MIPEP: variants seen among roughly 807,000 people sequenced by gnomAD.
MIPEP encodes the protein mitochondrial intermediate peptidase.
In MIPEP, 79 loss-of-function variants were observed where a neutral mutation model predicts 90.3. The ratio of observed to expected loss-of-function variants is 0.87; its 90% confidence interval spans 0.73 to 1.05. The LOEUF is 1.05. Ranked by LOEUF, MIPEP falls within the 50% of genes least tolerant of loss-of-function variation. The pLI, the probability that MIPEP is intolerant of heterozygous loss-of-function variation, is 0.00. For synonymous variants in MIPEP, 334 were observed against 315.8 expected (o/e 1.06, Z -0.61); for missense variants, 940 against 905.6 (o/e 1.04, Z -0.49).
chr13:23,819,854 C>T (rs1953283730), intron 14 of MIPEP, among the ~76,000 whole-genome samples: 1 of 151,944 alleles, frequency 6.6e-6, no homozygotes, highest in Non-Finnish European at 1.5e-5. Context: ...ACTAGAAATA[C>T]AAAAATTAGC....
At chr13:23,870,293 T>C (rs1428226581) in intron 5 of MIPEP, 98 bp from the exon 6 acceptor site, 6 of 657,102 alleles carry the variant, frequency 9.1e-6, no homozygotes, top group Non-Finnish European at 1.4e-5. Context: ...AACATATATA[T>C]TGTTGAATTA....
intron 14 of MIPEP, among the ~76,000 whole-genome samples, chr13:23,816,025 TA>T (rs1953231991): frequency 6.6e-6 from 1 of 152,186 alleles, no homozygotes; most frequent in Admixed American, 6.5e-5. Flanking sequence ...AAGTCTACTG[TA>T]ATTATTACTT....
intron 18 of MIPEP, among the ~76,000 whole-genome samples, chr13:23,745,756 C>T (rs1416957037): frequency 4.0e-5 from 6 of 151,882 alleles, no homozygotes; most frequent in African/African-American, 1.2e-4. Context: ...GGTGAAAGCC[C>T]ATCTCTGCGA....
At chr13:23,885,532 C>T (rs906373714) in intron 2 of MIPEP, among the ~76,000 whole-genome samples, 1 of 151,814 alleles carries the variant, frequency 6.6e-6, no homozygotes, top group African/African-American at 2.4e-5. Context: ...GCATTGCATG[C>T]CTCTATCAAA....
At chr13:23,770,703 C>T (rs1952640202) in intron 16 of MIPEP, among the ~76,000 whole-genome samples, 1 of 152,166 alleles carries the variant, frequency 6.6e-6, no homozygotes, top group South Asian at 2.1e-4. Context: ...CCGCCACTGC[C>T]CCCTCCCCAT....
At chr13:23,732,269 G>A (rs1310551932) in intron 18 of MIPEP, among the ~76,000 whole-genome samples, 1 of 152,084 alleles carries the variant, frequency 6.6e-6, no homozygotes, top group Non-Finnish European at 1.5e-5. Context: ...GATTACAGGC[G>A]TGAGCCACTG....
chr13:23,815,065 T>C (rs1382966939), intron 14 of MIPEP, among the ~76,000 whole-genome samples: 1 of 152,220 alleles, frequency 6.6e-6, no homozygotes, highest in Non-Finnish European at 1.5e-5. Flanking sequence ...TGTTAATACA[T>C]CAGGTTTAAC....
chr13:23,783,631 T>C (rs1043932251), intron 16 of MIPEP, among the ~76,000 whole-genome samples: 1 of 152,088 alleles, frequency 6.6e-6, no homozygotes, highest in Non-Finnish European at 1.5e-5. Context: ...AAATAAAGGG[T>C]ATACAATTAG....
intron 10 of MIPEP, chr13:23,842,620 G>C (rs1308312047): frequency 6.6e-6 from 1 of 152,306 alleles, no homozygotes; most frequent in East Asian, 1.9e-4. Context: ...GGCACTGAAA[G>C]AGGCAGAGAA....
intron 18 of MIPEP, among the ~76,000 whole-genome samples, chr13:23,752,299 G>T (rs570100898): frequency 1.3e-5 from 2 of 152,304 alleles, no homozygotes; most frequent in East Asian, 3.9e-4. Flanking sequence ...ACAAACTGCT[G>T]AAGTAATATA....
At chr13:23,816,873 C>T (rs1487993948) in intron 14 of MIPEP, among the ~76,000 whole-genome samples, 2 of 152,152 alleles carry the variant, frequency 1.3e-5, no homozygotes, top group African/African-American at 2.4e-5. Flanking sequence ...CTCAGATATT[C>T]CAGATTGATA....
intron 16 of MIPEP, among the ~76,000 whole-genome samples, chr13:23,779,813 C>T (rs1952760102): frequency 1.3e-5 from 2 of 152,240 alleles, no homozygotes; most frequent in East Asian, 1.9e-4. Flanking sequence ...AGATTATATC[C>T]CGCGCCTGGC....
intron 16 of MIPEP, among the ~76,000 whole-genome samples, chr13:23,779,530 G>A (rs1394429631): frequency 2.6e-5 from 4 of 152,176 alleles, no homozygotes; most frequent in Admixed American, 2.6e-4. Context: ...CCCAGCGTGA[G>A]TGACGCAGAA....
rs1952305110 is a variant in MIPEP, at chr13:23,739,710, C to T, written c.2045-9265G>A. On this transcript the variant is annotated intron_variant, in intron 18 of 18. Coordinates refer to ENST00000382172, the MANE Select transcript of MIPEP (RefSeq NM_005932.4). ...TAGTGTTCTGAGATAAATGCCTCTG[C>T]CTGCAGGCCAAGCTCCCTGTGCACG... Among the ~76,000 whole-genome samples, 3 of 152,328 alleles carry T rather than the reference C, an allele frequency of 2.0e-5. No homozygotes were observed. The South Asian group carries it at 6.2e-4, about 32-fold the overall frequency.
chr13:23,788,565 T>G (rs1304084386), intron 16 of MIPEP, among the ~76,000 whole-genome samples: 2 of 152,186 alleles, frequency 1.3e-5, no homozygotes. Flanking sequence ...TTGGTCATAT[T>G]AAGTCACAAG....
At chr13:23,808,627 A>G (rs1953138855) in intron 15 of MIPEP, among the ~76,000 whole-genome samples, 1 of 152,180 alleles carries the variant, frequency 6.6e-6, no homozygotes, top group Non-Finnish European at 1.5e-5. Context: ...TTCAAGAAGA[A>G]AGCCACAAAA....
chr13:23,745,771 T>TA (rs1565979565), intron 18 of MIPEP, among the ~76,000 whole-genome samples: 1 of 151,178 alleles, frequency 6.6e-6, no homozygotes, highest in Admixed American at 6.6e-5. Context: ...CTGCGAAAAA[T>TA]AAAAAAATTA....
intron 18 of MIPEP, among the ~76,000 whole-genome samples, chr13:23,746,157 C>T (rs1294552473): frequency 2.0e-5 from 3 of 150,450 alleles, no homozygotes; most frequent in Non-Finnish European, 4.4e-5. Context: ...TGGGGCTATA[C>T]GTACATGGAC....
At chr13:23,871,018 G>A (rs1164578802) in intron 5 of MIPEP, among the ~76,000 whole-genome samples, 6 of 152,096 alleles carry the variant, frequency 3.9e-5, no homozygotes, top group Admixed American at 6.5e-5. Context: ...GCAACAAAGC[G>A]AGACCCTGTC....
Sources: allele counts gnomAD v4.1 joint callset (sites outside exome capture counted in the v4.1 genomes callset), GRCh38; gene constraint gnomAD v4.1.1; transcripts MANE v1.5; gene names NCBI Gene and HGNC (gene_info 2026-07-23, HGNC 2026-07-21).